The following KSR1 variants were observed in gnomAD, a reference collection of about 807,000 sequenced individuals.
KSR1 encodes the protein kinase suppressor of ras.
A neutral mutation model predicts 92.9 loss-of-function variants in KSR1; 35 were observed. The observed-to-expected ratio is 0.38, with a 90% CI of 0.29 to 0.50. The LOEUF is 0.50. Among genes scored for constraint, KSR1 ranks in the 20% least tolerant of loss-of-function variants. The pLI is 0.94. For missense variants in KSR1, 972 were observed against 1,158.5 expected, an observed-to-expected ratio of 0.84 and a Z score of 2.34; for synonymous variants, 467 against 472.6, an observed-to-expected ratio of 0.99 and a Z score of 0.15.
At chr17:27,464,957 G>T (rs1043413051) in intron 1 of KSR1, among the ~76,000 whole-genome samples, 2 of 151,308 alleles carry the variant, frequency 1.3e-5, no homozygotes, top group Non-Finnish European at 2.9e-5. Context: ...AAAAAAAAAG[G>T]TTTGTGCATA....
Position 27,624,357 on chromosome 17 carries a change from G to T in KSR1, c.*965G>T, listed in dbSNP as rs1334133654. On this transcript the variant is annotated 3_prime_UTR_variant, in exon 21 of 21. Transcript: ENST00000644974. ...AACCCTTTGTCAGTCATGCCAGAAG[G>T]TTCTAGAACTGCCCACCTCTTCCAT... The T allele has an allele frequency of 6.6e-6, 1 of 152,282 alleles. No homozygotes were observed. Among genetic ancestry groups the T allele is most frequent in the Admixed American group, 6.5e-5 (1 of 15,278 alleles). The allele number at this position is 152,282 out of a possible 1,614,324, so 9.4% of individuals were successfully genotyped here.
intron 17 of KSR1, chr17:27,611,258 G>T (rs2073907921): frequency 1.9e-6 from 1 of 526,080 alleles, no homozygotes; most frequent in Non-Finnish European, 3.4e-6. Flanking sequence ...TGACCACCAA[G>T]GCTCCGGTCA....
At chr17:27,562,742 T>TA (rs1459683484) in intron 2 of KSR1, among the ~76,000 whole-genome samples, 4 of 152,200 alleles carry the variant, frequency 2.6e-5, no homozygotes, top group African/African-American at 7.2e-5. Context: ...ACCCTTCTTT[T>TA]AAAAAAATAG....
intron 1 of KSR1, chr17:27,526,901 C>A: frequency 1.6e-6 from 1 of 635,876 alleles, no homozygotes; most frequent in South Asian, 1.9e-5. Flanking sequence ...TGATCTCCTT[C>A]CCTAGGACTT....
chr17:27,561,284 G>A (rs890098519), intron 2 of KSR1, among the ~76,000 whole-genome samples: 1 of 152,208 alleles, frequency 6.6e-6, no homozygotes, highest in Non-Finnish European at 1.5e-5. Context: ...ATGTAGTTGT[G>A]TAAATGAATT....
chr17:27,585,656 G>T lies in KSR1; in HGVS notation c.981-1G>T. The T allele has an allele frequency of 1.3e-6, 1 of 764,390 alleles. No individual in the cohort carries two copies. Among genetic ancestry groups the T allele is most frequent in the East Asian group, 2.5e-5 (1 of 40,712 alleles). The allele number at this position is 764,390 out of a possible 1,614,324, so 47.4% of individuals were successfully genotyped here. A position where few individuals can be genotyped will look rare whatever the true frequency, so the allele number is the denominator to read the frequency against. Reference sequence around the variant, plus strand: ...CCCTCTCTGCTTTTTGTCTCCTCCAGGTTTGGTAAGAGAGATTCATTTCCA... The same window carrying T: ...CCCTCTCTGCTTTTTGTCTCCTCCATGTTTGGTAAGAGAGATTCATTTCCA... On this transcript the variant is annotated splice_acceptor_variant, in intron 4 of 20. Coordinates refer to ENST00000644974, the MANE Select transcript of KSR1 (RefSeq NM_001394583.1). LOFTEE classifies it high-confidence loss of function.
intron 1 of KSR1, among the ~76,000 whole-genome samples, chr17:27,501,180 A>G (rs566377131): frequency 3.4e-5 from 5 of 145,120 alleles, no homozygotes; most frequent in Admixed American, 6.9e-5. Flanking sequence ...GTGATGCAGT[A>G]TTTAGGCTTG....
At chr17:27,487,084 G>A (rs2068687321) in intron 1 of KSR1, among the ~76,000 whole-genome samples, 1 of 152,172 alleles carries the variant, frequency 6.6e-6, no homozygotes, top group African/African-American at 2.4e-5. Context: ...CTTATACTGT[G>A]TTAGTCCATT....
chr17:27,556,065 A>G (rs1212843384), intron 2 of KSR1, among the ~76,000 whole-genome samples: 1 of 152,234 alleles, frequency 6.6e-6, no homozygotes, highest in Non-Finnish European at 1.5e-5. Context: ...CCATGGTTAC[A>G]AACACTGCTA....
chr17:27,596,672 C>G (rs998845479), intron 9 of KSR1, among the ~76,000 whole-genome samples: 6 of 152,230 alleles, frequency 3.9e-5, no homozygotes, highest in Admixed American at 2.0e-4. Context: ...TAAGACTTCA[C>G]AGTGCCTTTG....
chr17:27,598,468 G>A (rs976326810), intron 10 of KSR1, among the ~76,000 whole-genome samples: 7 of 152,208 alleles, frequency 4.6e-5, no homozygotes, highest in African/African-American at 1.7e-4. Flanking sequence ...TGGAGACGGA[G>A]ATCTTGTAGG....
At chr17:27,548,375 C>T (rs562906576) in intron 1 of KSR1, among the ~76,000 whole-genome samples, 1 of 152,110 alleles carries the variant, frequency 6.6e-6, no homozygotes, top group African/African-American at 2.4e-5. Context: ...AAATTTGGAG[C>T]CTTTCTAGAT....
rs952502511 is a variant in KSR1, at chr17:27,459,995, C to A, written c.231+3121C>A. 6.6e-6 allele frequency among the ~76,000 whole-genome samples: 1 copy of A among 152,178 alleles called. No homozygotes were observed. Among genetic ancestry groups the A allele is most frequent in the Non-Finnish European group, 1.5e-5 (1 of 68,036 alleles). ...GTTCCTGGAGATCAGCAGTTTTCAT[C>A]ATACACATTTTCCCTCTCTAAATAT... is the stretch of plus-strand genomic sequence containing the variant. On this transcript the variant is annotated intron_variant, in intron 1 of 20. Transcript: ENST00000644974. This position sits in a 1 kb window ranked among gnomAD's most constrained non-coding sequence, Gnocchi z 4.6.
At chr17:27,463,563 G>A (rs1242842534) in intron 1 of KSR1, among the ~76,000 whole-genome samples, 2 of 152,122 alleles carry the variant, frequency 1.3e-5, no homozygotes, top group Middle Eastern at 3.4e-3. Context: ...GGTTGCTTGT[G>A]TCTGAGGTTC....
intron 1 of KSR1, among the ~76,000 whole-genome samples, chr17:27,510,672 C>T (rs964656870): frequency 6.6e-6 from 1 of 152,196 alleles, no homozygotes; most frequent in African/African-American, 2.4e-5. Flanking sequence ...CACTGCCGTC[C>T]GTTCAGAGCA....
At chr17:27,623,093 T>C (rs1237363235) in intron 20 of KSR1, 2 of 591,204 alleles carry the variant, frequency 3.4e-6, no homozygotes. Flanking sequence ...TGGAGATGAA[T>C]GAGCCACCGT....
chr17:27,532,986 T>A (rs2070606981), intron 1 of KSR1, among the ~76,000 whole-genome samples: 1 of 152,248 alleles, frequency 6.6e-6, no homozygotes, highest in African/African-American at 2.4e-5. Flanking sequence ...TTGGGTTGGC[T>A]TCCTGACCCT....
chr17:27,597,676 G>A (rs1290698836), intron 10 of KSR1, among the ~76,000 whole-genome samples: 1 of 152,182 alleles, frequency 6.6e-6, no homozygotes, highest in Non-Finnish European at 1.5e-5. Context: ...GCCTGTAAGT[G>A]GCAGAATGGA....
At chr17:27,593,614 G>T (rs1598105228) in intron 9 of KSR1, among the ~76,000 whole-genome samples, 1 of 152,208 alleles carries the variant, frequency 6.6e-6, no homozygotes, top group Non-Finnish European at 1.5e-5. Context: ...AAGAAGGCCG[G>T]CTGCCCCAGG....
Sources: allele counts gnomAD v4.1 joint callset (sites outside exome capture counted in the v4.1 genomes callset), GRCh38; gene constraint gnomAD v4.1.1; non-coding constraint Gnocchi (gnomAD v3.1); transcripts MANE v1.5; gene names NCBI Gene and HGNC (gene_info 2026-07-23, HGNC 2026-07-21).